POU2F3: variants seen among roughly 807,000 people sequenced by gnomAD.
POU2F3 encodes the protein POU domain, class 2, transcription factor 3.
Under a neutral mutation model 59.2 loss-of-function variants are expected in POU2F3, and 23 were observed. The ratio of observed to expected loss-of-function variants is 0.39; its 90% CI spans 0.28 to 0.55. The LOEUF (loss-of-function observed/expected upper bound fraction) is 0.55, where lower values mean the gene tolerates loss of function less well. POU2F3 is among the 20% of genes least tolerant of loss of function. The probability of loss-of-function intolerance (pLI) is 0.66; values close to 1 mark genes in which losing one functional copy is unlikely to be tolerated. For missense variants in POU2F3, 473 were observed against 544.5 expected (o/e 0.87, Z 1.31); for synonymous variants, 190 against 214.6 (o/e 0.89, Z 1.00).
chr11:120,310,126 A>T (rs1160874208), intron 10 of POU2F3, among the ~76,000 whole-genome samples: 1 of 152,144 alleles, frequency 6.6e-6, no homozygotes, highest in Non-Finnish European at 1.5e-5. Context: ...TGTGGGGAAT[A>T]ATCTGTGTGG....
intron 8 of POU2F3, among the ~76,000 whole-genome samples, chr11:120,306,021 T>A (rs1941476762): frequency 6.6e-6 from 1 of 152,200 alleles, no homozygotes; most frequent in Non-Finnish European, 1.5e-5. Flanking sequence ...CATCAGGATT[T>A]GTCCCCATTC....
At chr11:120,244,924 A>T (rs1346921221) in intron 1 of POU2F3, among the ~76,000 whole-genome samples, 1 of 145,742 alleles carries the variant, frequency 6.9e-6, no homozygotes, top group African/African-American at 2.5e-5. Context: ...GGCTCAAGAA[A>T]TGCCTCCCTA....
At chr11:120,318,137 T>A (rs547517929) in intron 12 of POU2F3, among the ~76,000 whole-genome samples, 1 of 152,350 alleles carries the variant, frequency 6.6e-6, no homozygotes, top group Admixed American at 6.5e-5. Context: ...TTTCGAGGTA[T>A]AATTCATATA....
chr11:120,290,948 C>A (rs1940998992), intron 3 of POU2F3, among the ~76,000 whole-genome samples: 1 of 152,222 alleles, frequency 6.6e-6, no homozygotes, highest in South Asian at 2.1e-4. Flanking sequence ...CCTGAGCCAC[C>A]TTTTTCCTCT....
At chr11:120,275,491 C>T (rs1335211648) in intron 3 of POU2F3, among the ~76,000 whole-genome samples, 4 of 152,180 alleles carry the variant, frequency 2.6e-5, no homozygotes, top group African/African-American at 9.7e-5. Context: ...ATGACAACTG[C>T]ATACGTAGGT....
chr11:120,313,018 G>A (rs990729278), intron 10 of POU2F3, among the ~76,000 whole-genome samples: 5 of 152,138 alleles, frequency 3.3e-5, no homozygotes, highest in Admixed American at 2.6e-4. Context: ...AGGCCAGAAC[G>A]GGCTGCAAAC....
chr11:120,241,620 G>A (rs534996309), intron 1 of POU2F3, among the ~76,000 whole-genome samples: 25 of 152,326 alleles, frequency 1.6e-4, no homozygotes, highest in Middle Eastern at 3.4e-3. Context: ...CATACCTGGG[G>A]CAGATCCCCG....
chr11:120,301,446 A>C (rs1457184528), intron 5 of POU2F3: 2 of 189,422 alleles, frequency 1.1e-5, no homozygotes, highest in Non-Finnish European at 2.2e-5. Flanking sequence ...GAAACTGAAG[A>C]GCATAAAGGT....
At chr11:120,288,599 T>C (rs192437229) in intron 3 of POU2F3, among the ~76,000 whole-genome samples, 63 of 152,320 alleles carry the variant, frequency 4.1e-4, no homozygotes, top group African/African-American at 1.5e-3. Flanking sequence ...TATCTACCTT[T>C]TCAATCTCAT....
chr11:120,253,417 G>A (rs770872683), intron 2 of POU2F3, among the ~76,000 whole-genome samples: 4 of 152,100 alleles, frequency 2.6e-5, no homozygotes, highest in Non-Finnish European at 5.9e-5. Context: ...GTGCCACCAT[G>A]CCTGGCTAAT....
intron 11 of POU2F3, 74 bp downstream of exon 11, chr11:120,315,501 T>A (rs542830390): frequency 6.4e-6 from 9 of 1,396,564 alleles, no homozygotes; most frequent in Middle Eastern, 1.8e-4. Context: ...CTGAAAGGTA[T>A]CTACCTAAGT....
chr11:120,251,425 T>C (rs1235496057), intron 2 of POU2F3, among the ~76,000 whole-genome samples: 1 of 152,276 alleles, frequency 6.6e-6, no homozygotes, highest in Admixed American at 6.5e-5. Flanking sequence ...AGTCCATCAT[T>C]AAGTCCTGCA....
chr11:120,264,485 G>T (rs974453134), intron 2 of POU2F3, among the ~76,000 whole-genome samples: 1 of 152,194 alleles, frequency 6.6e-6, no homozygotes, highest in African/African-American at 2.4e-5. Flanking sequence ...TGAAGGGTGA[G>T]TATTTTCTAG....
intron 3 of POU2F3, among the ~76,000 whole-genome samples, chr11:120,284,652 C>T (rs1279895193): frequency 1.3e-5 from 2 of 152,188 alleles, no homozygotes; most frequent in Non-Finnish European, 1.5e-5. Context: ...TAGGAAGTAA[C>T]GTGGCCATCC....
intron 3 of POU2F3, among the ~76,000 whole-genome samples, chr11:120,271,522 C>G (rs529288243): frequency 2.1e-4 from 32 of 152,360 alleles, no homozygotes; most frequent in African/African-American, 7.2e-4. Context: ...CTCCTGGCCC[C>G]AGCCCCTTGG....
intron 3 of POU2F3, among the ~76,000 whole-genome samples, chr11:120,297,566 G>C (rs145601429): frequency 4.6e-5 from 7 of 152,328 alleles, no homozygotes; most frequent in African/African-American, 1.7e-4. Context: ...GTGGTGCCCA[G>C]ATTTTGGGGT....
At chr11:120,251,102 G>A (rs1364062812) in intron 2 of POU2F3, among the ~76,000 whole-genome samples, 2 of 152,244 alleles carry the variant, frequency 1.3e-5, no homozygotes, top group African/African-American at 4.8e-5. Flanking sequence ...GGAGTAACTG[G>A]GACTACAGGT....
At chr11:120,282,676 A>G (rs1248418492) in intron 3 of POU2F3, among the ~76,000 whole-genome samples, 1 of 152,224 alleles carries the variant, frequency 6.6e-6, no homozygotes, top group African/African-American at 2.4e-5. Flanking sequence ...CAAAAAAAAG[A>G]GAAATATTAG....
In POU2F3 at chr11:120,318,383, C is replaced by T; in HGVS notation, c.1302C>T (p.Tyr434=). The T allele has an allele frequency of 1.9e-6, 3 of 1,605,238 alleles. No homozygotes were observed. Among genetic ancestry groups the T allele is most frequent in the East Asian group, 2.2e-5 (1 of 44,836 alleles). The part of the protein sequence containing the change: ...GSWYRWNHST[Y]LH ...GGTACCGATGGAATCATTCCACCTA[C>T]CTCCACTGAGACCAAAAAGTTTCTC... Residue 434 remains tyrosine (Y), a synonymous_variant, in exon 13 of 13, where the codon TAC becomes TAT. Transcript: ENST00000543440.
Sources: gnomAD v4.1 joint callset for allele counts (sites outside exome capture counted in the v4.1 genomes callset) on GRCh38, gnomAD v4.1.1 for gene constraint, MANE v1.5 for transcripts, NCBI Gene and HGNC (gene_info 2026-07-23, HGNC 2026-07-21) for gene names.